The following GTF2E1 variants were observed in gnomAD, a reference collection of about 807,000 sequenced individuals.
GTF2E1 encodes TFIIE alpha subunit.
A neutral mutation model predicts 34.9 loss-of-function variants in GTF2E1; 14 were observed. The observed-to-expected ratio is 0.40, with a 90% CI of 0.27 to 0.63. The LOEUF (loss-of-function observed/expected upper bound fraction) is 0.63. Among genes scored for constraint, GTF2E1 ranks in the 20% least tolerant of loss-of-function variants. The pLI, the probability that GTF2E1 is intolerant of heterozygous loss-of-function variation, is 0.39. For missense variants in GTF2E1, 469 were observed against 557.7 expected (o/e 0.84, Z 1.60); for synonymous variants, 188 against 192.9 (o/e 0.97, Z 0.21).
rs1219233161 is a variant in GTF2E1, at chr3:120,760,046, C to T, written c.448+9046C>T. ...ACCTTGGACAGGATGGCCATTTTCA[C>T]GATATTGATTCTTCCTATCCTTGAG... On this transcript the variant is annotated intron_variant, in intron 2 of 4. Coordinates refer to ENST00000283875, the MANE Select transcript of GTF2E1 (RefSeq NM_005513.3). Among the ~76,000 whole-genome samples, 15 of 152,300 alleles carry T rather than the reference C, an allele frequency of 9.8e-5. No homozygotes were observed. In the East Asian group the frequency reaches 2.5e-3, roughly 25 times the overall value.
chr3:120,779,992 A>G (rs1391265437), intron 4 of GTF2E1, among the ~76,000 whole-genome samples: 2 of 152,228 alleles, frequency 1.3e-5, no homozygotes, highest in Non-Finnish European at 2.9e-5. Context: ...GCAGTATATC[A>G]GGTAAGATAT....
At chr3:120,758,892 T>A (rs143659182) in intron 2 of GTF2E1, among the ~76,000 whole-genome samples, 25,587 of 152,188 alleles carry the variant, frequency 0.17, 2,980 homozygotes, top group Non-Finnish European at 0.25. Flanking sequence ...CGTGTGCATG[T>A]GTCTTTATAG....
At chr3:120,760,145 C>T (rs1308038381) in intron 2 of GTF2E1, among the ~76,000 whole-genome samples, 1 of 152,150 alleles carries the variant, frequency 6.6e-6, no homozygotes, top group Non-Finnish European at 1.5e-5. Context: ...AGAGGTCCTT[C>T]ACATCCCTTA....
At chr3:120,780,493 G>A (rs1197085227) in intron 4 of GTF2E1, among the ~76,000 whole-genome samples, 1 of 152,172 alleles carries the variant, frequency 6.6e-6, no homozygotes, top group Admixed American at 6.5e-5. Context: ...GGAATACCAT[G>A]GAGGCTACTG....
At chr3:120,776,787 A>G in intron 4 of GTF2E1, 123 bp downstream of exon 4, 1 of 787,834 alleles carries the variant, frequency 1.3e-6, no homozygotes, top group East Asian at 2.6e-5. Context: ...GCATTATATT[A>G]GGAAGTAAGA....
chr3:120,743,811 T>G (rs1709079679), intron 1 of GTF2E1, among the ~76,000 whole-genome samples: 1 of 152,190 alleles, frequency 6.6e-6, no homozygotes, highest in East Asian at 1.9e-4. Flanking sequence ...TGTGGCTGGT[T>G]ATGAGGCTGA....
intron 1 of GTF2E1, among the ~76,000 whole-genome samples, chr3:120,747,495 G>C (rs374466223): frequency 6.6e-6 from 1 of 152,018 alleles, no homozygotes; most frequent in African/African-American, 2.4e-5. Flanking sequence ...AGATATATGC[G>C]GTGTTTGGTT....
intron 1 of GTF2E1, among the ~76,000 whole-genome samples, chr3:120,744,387 G>A (rs763332536): frequency 6.6e-6 from 1 of 152,140 alleles, no homozygotes; most frequent in Non-Finnish European, 1.5e-5. Context: ...GAACAAAGTG[G>A]CACAGCTTGA....
At chr3:120,743,629 C>G (rs1432048870) in intron 1 of GTF2E1, among the ~76,000 whole-genome samples, 1 of 151,998 alleles carries the variant, frequency 6.6e-6, no homozygotes, top group Non-Finnish European at 1.5e-5. Context: ...TGATTGTATG[C>G]TACTTAATGG....
intron 2 of GTF2E1, among the ~76,000 whole-genome samples, chr3:120,758,919 C>G (rs747228263): frequency 6.6e-6 from 1 of 152,130 alleles, no homozygotes; most frequent in East Asian, 1.9e-4. Flanking sequence ...GATTTATAAT[C>G]CTTTGGGTGT....
chr3:120,751,057 T>A, intron 2 of GTF2E1, 57 bp downstream of exon 2: 2 of 1,065,216 alleles, frequency 1.9e-6, no homozygotes, highest in Non-Finnish European at 2.7e-6. Flanking sequence ...CCTTTTTTCT[T>A]AAATTGATTC....
At position 120,770,800 on chromosome 3, in the gene GTF2E1, G is replaced by A. The variant is rs1241939211; in HGVS notation, c.521G>A (p.Arg174His). The A allele has an allele frequency of 4.3e-6, 7 of 1,613,316 alleles. No individual in the cohort carries two copies. Among genetic ancestry groups the A allele is most frequent in the South Asian group, 1.1e-5 (1 of 91,070 alleles). Residue 174 changes from arginine to histidine, a missense_variant, in exon 3 of 5, where the codon CGC (arginine) becomes CAC (histidine). By Grantham distance (29) the Arg-to-His change is conservative. Transcript: ENST00000283875. ...TCAGCAATGCCCAAAAAAGATGCAC[G>A]CACACTTTTGGCAAGGTTTAATGAA... ...DESAMPKKDA[R>H]TLLARFNEQI... is the part of the protein sequence containing the mutation.
chr3:120,745,086 G>C lies in GTF2E1; in HGVS notation c.-31+2292G>C, dbSNP rs1395336088. Among the ~76,000 whole-genome samples, 3 of 152,132 alleles carry C rather than the reference G, an allele frequency of 2.0e-5. No homozygotes were observed. In the East Asian group the frequency reaches 5.8e-4, roughly 29 times the overall value. ...CTGGCTAAGTTTTAAAATTTTTGTA[G>C]AGATGGGGTCTTACTATGTTTCCTA... is the stretch of plus-strand genomic sequence containing the variant. On this transcript the variant is annotated intron_variant, in intron 1 of 4. Coordinates refer to ENST00000283875, the MANE Select transcript of GTF2E1 (RefSeq NM_005513.3).
At chr3:120,773,753 C>G (rs1198143078) in intron 3 of GTF2E1, among the ~76,000 whole-genome samples, 1 of 152,032 alleles carries the variant, frequency 6.6e-6, no homozygotes, top group African/African-American at 2.4e-5. Context: ...TAAAAAGATT[C>G]AAACATGAAT....
intron 2 of GTF2E1, among the ~76,000 whole-genome samples, chr3:120,766,023 A>G (rs556643129): frequency 2.4e-4 from 36 of 152,294 alleles, no homozygotes; most frequent in African/African-American, 8.2e-4. Flanking sequence ...CAATTTCAGT[A>G]TCTTCTCTCA....
At chr3:120,774,134 C>G (rs1222434295) in intron 3 of GTF2E1, among the ~76,000 whole-genome samples, 4 of 152,088 alleles carry the variant, frequency 2.6e-5, no homozygotes, top group Non-Finnish European at 5.9e-5. Flanking sequence ...TGTGGTTGGC[C>G]AGATCAGAGA....
At chr3:120,748,463 C>A (rs374808566) in intron 1 of GTF2E1, among the ~76,000 whole-genome samples, 3 of 152,140 alleles carry the variant, frequency 2.0e-5, no homozygotes, top group Non-Finnish European at 2.9e-5. Flanking sequence ...TCAGCTTTCT[C>A]CATGTGGCTA....
At chr3:120,771,705 G>A (rs1027482315) in intron 3 of GTF2E1, among the ~76,000 whole-genome samples, 2 of 151,994 alleles carry the variant, frequency 1.3e-5, no homozygotes, top group African/African-American at 4.8e-5. Flanking sequence ...ATTTCCTGTG[G>A]TACTGATGTT....
At chr3:120,775,092 C>A (rs1709387794) in intron 3 of GTF2E1, among the ~76,000 whole-genome samples, 2 of 151,974 alleles carry the variant, frequency 1.3e-5, no homozygotes, top group South Asian at 4.1e-4. Flanking sequence ...GGACACAGAC[C>A]TCAGCTAAGT....
Sources: allele counts gnomAD v4.1 joint callset (sites outside exome capture counted in the v4.1 genomes callset), GRCh38; gene constraint gnomAD v4.1.1; transcripts MANE v1.5; gene names NCBI Gene and HGNC (gene_info 2026-07-23, HGNC 2026-07-21).